The following CCDC57 variants were observed in gnomAD, a reference collection of about 807,000 sequenced individuals.
CCDC57 encodes coiled-coil domain containing 57.
A neutral mutation model predicts 118.9 loss-of-function variants in CCDC57; 118 were observed. The ratio of observed to expected loss-of-function variants is 0.99; its 90% CI spans 0.86 to 1.16. The LOEUF (loss-of-function observed/expected upper bound fraction) is 1.16, where lower values mean the gene tolerates loss of function less well. Among genes scored for constraint, CCDC57 ranks in the 50% most tolerant of loss-of-function variants. CCDC57 has a pLI of 0.00. For synonymous variants in CCDC57, 527 were observed against 532.9 expected (o/e 0.99, Z 0.15); for missense variants, 1,300 against 1,320.7 (o/e 0.98, Z 0.24).
intron 19 of CCDC57, among the ~76,000 whole-genome samples, chr17:82,110,283 ACT>A (rs1374279725): frequency 1.3e-5 from 2 of 152,156 alleles, no homozygotes; most frequent in Non-Finnish European, 2.9e-5. Context: ...CCTGGCCAGA[ACT>A]CTGTATTTTA....
intron 10 of CCDC57, 131 bp downstream of exon 9, chr17:82,178,896 A>T: frequency 9.6e-7 from 1 of 1,038,594 alleles, no homozygotes; most frequent in Non-Finnish European, 1.4e-6. Flanking sequence ...CTAATTTATT[A>T]CTCTAATTAC....
At chr17:82,163,433 A>G (rs1389152450) in intron 13 of CCDC57, 76 bp from the exon 13 acceptor site, 56 of 1,549,040 alleles carry the variant, frequency 3.6e-5, no homozygotes, top group Non-Finnish European at 4.4e-5. Flanking sequence ...ACACATCTCT[A>G]TCAGCTCTCC....
intron 17 of CCDC57, among the ~76,000 whole-genome samples, chr17:82,131,858 G>A (rs2038414902): frequency 6.6e-6 from 1 of 152,094 alleles, no homozygotes; most frequent in Non-Finnish European, 1.5e-5. Flanking sequence ...TCTTATGCCT[G>A]TAATCCCAGC....
At chr17:82,174,297 G>A (rs1335476629) in intron 11 of CCDC57, among the ~76,000 whole-genome samples, 29 of 152,250 alleles carry the variant, frequency 1.9e-4, no homozygotes, top group Admixed American at 1.9e-3. Flanking sequence ...GCGCTCAGGG[G>A]TGGAGAGGAT....
intron 16 of CCDC57, among the ~76,000 whole-genome samples, chr17:82,150,370 T>C (rs199772979): frequency 0.011 from 214 of 20,312 alleles, no homozygotes; most frequent in African/African-American, 0.012. Context: ...CAGAACCTGG[T>C]GCACACCCAG....
chr17:82,197,229 G>A (rs1174331969), intron 4 of CCDC57, among the ~76,000 whole-genome samples: 2 of 139,972 alleles, frequency 1.4e-5, no homozygotes, highest in African/African-American at 5.4e-5. Flanking sequence ...GCAGCCCCTC[G>A]TGACACCTGC....
At chr17:82,104,100 C>G (rs899027531) in intron 19 of CCDC57, among the ~76,000 whole-genome samples, 5 of 152,218 alleles carry the variant, frequency 3.3e-5, no homozygotes, top group Admixed American at 3.3e-4. Context: ...ACCCCGGATT[C>G]TTCTACCTGA....
At chr17:82,178,407 G>A (rs1349466003) in intron 11 of CCDC57, 67 bp downstream of exon 10, 31 of 1,513,424 alleles carry the variant, frequency 2.0e-5, no homozygotes, top group Non-Finnish European at 2.7e-5. Flanking sequence ...AGGATTTGGG[G>A]ATCTGGTCCT....
At chr17:82,183,954 T>C in intron 8 of CCDC57, 22 bp from the exon 8 acceptor site, 2 of 1,608,714 alleles carry the variant, frequency 1.2e-6, no homozygotes, top group Non-Finnish European at 8.5e-7. Context: ...AGGGAAACTA[T>C]GTAGATGTGG....
At chr17:82,157,350 A>G (rs1476684680) in intron 15 of CCDC57, 12 of 810,222 alleles carry the variant, frequency 1.5e-5, no homozygotes, top group Non-Finnish European at 4.7e-6. Context: ...GGAGGGCCCA[A>G]CGCTAGGCAT....
chr17:82,129,634 G>A (rs1165092933), intron 17 of CCDC57, among the ~76,000 whole-genome samples: 2 of 152,182 alleles, frequency 1.3e-5, no homozygotes, highest in Non-Finnish European at 2.9e-5. Flanking sequence ...CCCGGGCTTC[G>A]TCCCCAGTAC....
At chr17:82,182,512 C>T (rs1474586377) in intron 9 of CCDC57, among the ~76,000 whole-genome samples, 3 of 151,474 alleles carry the variant, frequency 2.0e-5, no homozygotes, top group African/African-American at 7.3e-5. Context: ...TGACACCACA[C>T]CGGGATAATT....
At chr17:82,171,902 G>C (rs770136448) in intron 12 of CCDC57, 49 bp from the exon 12 acceptor site, 3 of 1,581,168 alleles carry the variant, frequency 1.9e-6, no homozygotes, top group Admixed American at 3.4e-5. Flanking sequence ...GCATCCTTTC[G>C]CACCTCCCTC....
At chr17:82,188,517 G>C in intron 7 of CCDC57, 98 bp from the exon 7 acceptor site, 1 of 1,241,366 alleles carries the variant, frequency 8.1e-7, no homozygotes. Context: ...TCGTGCACAG[G>C]TGCTGCTGTA....
At chr17:82,173,244 A>C (rs1253311958) in intron 11 of CCDC57, among the ~76,000 whole-genome samples, 1 of 152,184 alleles carries the variant, frequency 6.6e-6, no homozygotes, top group African/African-American at 2.4e-5. Flanking sequence ...AATGCGCTTC[A>C]TGCTGCTGAA....
At chr17:82,151,204 T>TCCAGAACCTGACCCACAC (rs2041992206) in intron 16 of CCDC57, among the ~76,000 whole-genome samples, 4 of 30,882 alleles carry the variant, frequency 1.3e-4, no homozygotes, top group Non-Finnish European at 2.0e-4. Context: ...CAGGCGCACA[T>TCCAGAACCTGACCCACAC]CCAGAACCTG....
chr17:82,201,858 G>A lies in CCDC57; in HGVS notation c.87C>T (p.Thr29=), dbSNP rs376038243. 2.5e-6 allele frequency: 4 copies of A among 1,613,230 alleles called. No homozygotes were observed. In the South Asian group the frequency reaches 3.3e-5, roughly 13 times the overall value. Reference sequence around the variant, plus strand: ...CCTGCAGAGCCGCCTCCTGCAGCTGGGTGCGGTGTGCCTGCAGCGCCCTCC... The same window carrying A: ...CCTGCAGAGCCGCCTCCTGCAGCTGAGTGCGGTGTGCCTGCAGCGCCCTCC... The change falls in exon 3 of 20, where the codon ACC becomes ACT. Residue 29 remains threonine (T), a synonymous_variant. Transcript: ENST00000665763.
rs778007858 is a variant in CCDC57, at chr17:82,183,787, G to C, written c.1198C>G (p.Gln400Glu). 4.5e-6 allele frequency: 7 copies of C among 1,564,480 alleles called. No homozygotes were observed. The Admixed American group carries it at 1.2e-4, about 26-fold the overall frequency. Residue 400 changes from glutamine (Q) to glutamate (E), a missense_variant, in exon 9 of 20, where the codon CAG becomes GAG. Transcript: ENST00000665763. ...GGGGACAGTTACCTTTCAATGTCCT[G>C]CTGGGATCGGGCCACCTGTGCCTTG...
chr17:82,169,234 C>A (rs560347797), intron 13 of CCDC57, among the ~76,000 whole-genome samples: 1 of 152,158 alleles, frequency 6.6e-6, no homozygotes, highest in African/African-American at 2.4e-5. Flanking sequence ...TCAAGTGATT[C>A]TCCTGCCTCA....
Sources: gnomAD v4.1 joint callset for allele counts (sites outside exome capture counted in the v4.1 genomes callset) on GRCh38, gnomAD v4.1.1 for gene constraint, MANE v1.5 for transcripts, NCBI Gene and HGNC (gene_info 2026-07-23, HGNC 2026-07-21) for gene names.